The following MTPN variants were observed in gnomAD, a reference collection of about 807,000 sequenced individuals.
MTPN encodes the protein granule cell differentiation protein.
MTPN carries 2 observed loss-of-function variants against 13.5 expected under a neutral mutation model. The observed-to-expected ratio is 0.15, with a 90% confidence interval of 0.06 to 0.47. The LOEUF (loss-of-function observed/expected upper bound fraction) is 0.47. Among genes scored for constraint, MTPN ranks in the 20% least tolerant of loss-of-function variants. The probability of loss-of-function intolerance (pLI) is 0.97; values close to 1 mark genes in which losing one functional copy is unlikely to be tolerated. For synonymous variants in MTPN, 46 were observed against 51.7 expected (o/e 0.89, Z 0.48); for missense variants, 79 against 137.9 (o/e 0.57, Z 2.14).
intron 1 of MTPN, among the ~76,000 whole-genome samples, chr7:135,955,795 A>T (rs1221846390): frequency 4.6e-5 from 7 of 151,962 alleles, no homozygotes; most frequent in Non-Finnish European, 2.9e-5. Flanking sequence ...ATAATTTACC[A>T]TTTTAACACA....
rs1274340246 is a variant in MTPN at position 135,976,970 on chromosome 7, C to T, written c.72+59G>A. ...CCGCAGTCCAGCTCCCATCAGCTTC[C>T]TCAGCCTCATCTCCAGCCCACCTCC... On this transcript the variant is annotated intron_variant, in intron 1 of 3. Transcript: ENST00000393085. 3 of 1,398,406 alleles carry T rather than the reference C, an allele frequency of 2.1e-6. No individual in the cohort carries two copies. In the Admixed American group the frequency reaches 5.1e-5, roughly 24 times the overall value. 86.6% of individuals were successfully genotyped at this position (1,398,406 alleles called of 1,614,324 possible).
At chr7:135,957,172 A>G (rs566166415) in intron 1 of MTPN, among the ~76,000 whole-genome samples, 31 of 152,346 alleles carry the variant, frequency 2.0e-4, no homozygotes, top group Admixed American at 1.3e-3. Flanking sequence ...CATATATGTA[A>G]TCTAAATAAC....
Position 135,927,314 on chromosome 7 carries a change from T to C in MTPN, c.*2612A>G. 1 of 1,550,804 alleles carries C rather than the reference T, an allele frequency of 6.4e-7. No homozygotes were observed. Among genetic ancestry groups the C allele is most frequent in the Non-Finnish European group, 8.7e-7 (1 of 1,146,666 alleles). ...ATGCGTAGAAGAACTACTTGGGATA[T>C]TCAAGTGCTGTATTTGAACGATAAG... On this transcript the variant is annotated 3_prime_UTR_variant, in exon 4 of 4. Coordinates refer to ENST00000393085, the MANE Select transcript of MTPN (RefSeq NM_145808.4).
intron 1 of MTPN, among the ~76,000 whole-genome samples, chr7:135,967,961 A>G (rs1029503864): frequency 1.3e-5 from 2 of 151,886 alleles, no homozygotes; most frequent in African/African-American, 2.4e-5. Flanking sequence ...ACTACCTACA[A>G]TTTTTTTGTG....
rs1329007661 is a variant in MTPN, at chr7:135,929,744, G to A, written c.*182C>T. On this transcript the variant is annotated 3_prime_UTR_variant, in exon 4 of 4. Transcript: ENST00000393085. ...TAAAAGCCTGATCATGGTTCCTTTT[G>A]CCCCTCCTCCAAAACAATTTTTTTT... The A allele has an allele frequency of 3.3e-6, 2 of 611,606 alleles. No individual in the cohort carries two copies. The highest frequency in any genetic ancestry group is 5.9e-6 in the Non-Finnish European group (2 of 336,684). The allele number at this position is 611,606 out of a possible 1,614,324, so 37.9% of individuals were successfully genotyped here.
chr7:135,948,236 T>C (rs556348526), intron 3 of MTPN, among the ~76,000 whole-genome samples: 1 of 152,162 alleles, frequency 6.6e-6, no homozygotes, highest in Non-Finnish European at 1.5e-5. Flanking sequence ...AGGGTATCCA[T>C]TAAAGAAGCT....
At chr7:135,973,633 C>G (rs1799729315) in intron 1 of MTPN, among the ~76,000 whole-genome samples, 1 of 152,056 alleles carries the variant, frequency 6.6e-6, no homozygotes, top group African/African-American at 2.4e-5. Context: ...AAGAAACATC[C>G]AGATCAAAAA....
At chr7:135,945,854 A>G (rs1799280862) in intron 3 of MTPN, among the ~76,000 whole-genome samples, 1 of 152,204 alleles carries the variant, frequency 6.6e-6, no homozygotes, top group Non-Finnish European at 1.5e-5. Context: ...GCATCTCCAT[A>G]AGCACACTGT....
At chr7:135,969,889 T>C (rs1799665889) in intron 1 of MTPN, among the ~76,000 whole-genome samples, 1 of 152,166 alleles carries the variant, frequency 6.6e-6, no homozygotes, top group Non-Finnish European at 1.5e-5. Context: ...TAAACAATCA[T>C]TTTTCACCTA....
rs986709080 is a variant in MTPN, at chr7:135,928,028, G to A, written c.*1898C>T. 5.0e-5 allele frequency: 13 copies of A among 257,890 alleles called. No homozygotes were observed. The highest frequency in any genetic ancestry group is 1.1e-4 in the Non-Finnish European group (13 of 123,136). The allele number at this position is 257,890 out of a possible 1,614,324, so 16.0% of individuals were successfully genotyped here. On this transcript the variant is annotated 3_prime_UTR_variant, in exon 4 of 4. Transcript: ENST00000393085. ...GTATCAAAACACCCTGTTGCACTACGTTGATAGTTATAGACTGATAGAGTG... is the reference window on the plus strand; with the variant it reads ...GTATCAAAACACCCTGTTGCACTACATTGATAGTTATAGACTGATAGAGTG...
chr7:135,941,717 AAT>A (rs1242758100), intron 3 of MTPN, among the ~76,000 whole-genome samples: 3 of 152,138 alleles, frequency 2.0e-5, no homozygotes, highest in Admixed American at 6.5e-5. Context: ...CCCTAGTAAA[AAT>A]ATGATTTTAA....
chr7:135,932,098 T>C (rs1799031256), intron 3 of MTPN: 1 of 152,212 alleles, frequency 6.6e-6, no homozygotes, highest in Non-Finnish European at 1.5e-5. Flanking sequence ...ACTGTATTTC[T>C]GTTCCCCTTA....
chr7:135,933,984 T>C (rs994285091), intron 3 of MTPN, among the ~76,000 whole-genome samples: 3 of 152,158 alleles, frequency 2.0e-5, no homozygotes, highest in African/African-American at 4.8e-5. Context: ...TGAGAAGATA[T>C]GACTGCTTCC....
chr7:135,947,623 C>T (rs1256769260), intron 3 of MTPN, among the ~76,000 whole-genome samples: 1 of 151,862 alleles, frequency 6.6e-6, no homozygotes, highest in East Asian at 1.9e-4. Context: ...GTACATGTTC[C>T]ATTTCTCATT....
intron 1 of MTPN, among the ~76,000 whole-genome samples, chr7:135,954,230 A>G (rs1409633348): frequency 6.6e-6 from 1 of 152,226 alleles, no homozygotes; most frequent in Non-Finnish European, 1.5e-5. Context: ...AATGAAGGCT[A>G]TTATATTTAA....
chr7:135,950,660 G>C lies in MTPN; in HGVS notation c.209C>G (p.Thr70Ser). 6.2e-7 allele frequency: 1 copy of C among 1,611,682 alleles called. No individual in the cohort carries two copies. Among genetic ancestry groups the C allele is most frequent in the South Asian group, 1.1e-5 (1 of 90,784 alleles). The change falls in exon 3 of 4, where the codon ACT becomes AGT. Residue 70 changes from threonine (T) to serine (S), a missense_variant. Thr to Ser is a moderately conservative substitution (Grantham distance 58, BLOSUM62 1). Transcript: ENST00000393085. ...DINAPDKHHITPLLSAVYEGH... is the reference protein window; with the variant it reads ...DINAPDKHHISPLLSAVYEGH... ...CTCATAGACAGCAGACAGAAGAGGA[G>C]TAATATGATGTTTATCTGGAGCCTA...
chr7:135,962,945 T>C lies in MTPN; in HGVS notation c.73-11315A>G, dbSNP rs542454414. Among the ~76,000 whole-genome samples the C allele has an allele frequency of 2.0e-5, 3 of 152,164 alleles. No individual in the cohort carries two copies. The South Asian group carries it at 6.2e-4, about 32-fold the overall frequency. ...GATCTGTAAGATATGTACGCATTGC[T>C]GCCACTGAGTTCCAAGGTATAGGTA... On this transcript the variant is annotated intron_variant, in intron 1 of 3. Coordinates refer to ENST00000393085, the MANE Select transcript of MTPN (RefSeq NM_145808.4).
intron 3 of MTPN, among the ~76,000 whole-genome samples, chr7:135,948,417 A>G (rs1021955984): frequency 1.8e-4 from 28 of 152,200 alleles, no homozygotes; most frequent in Non-Finnish European, 2.2e-4. Flanking sequence ...TGGCTAAAAA[A>G]AGTCAAGGTT....
intron 2 of MTPN, among the ~76,000 whole-genome samples, 159 bp from the exon 3 acceptor site, chr7:135,950,841 C>A (rs188893932): frequency 4.6e-5 from 7 of 152,214 alleles, no homozygotes; most frequent in African/African-American, 1.7e-4. Context: ...CTTAAAGCTA[C>A]CAGAGACCCA....
Sources: allele counts gnomAD v4.1 joint callset (sites outside exome capture counted in the v4.1 genomes callset), GRCh38; gene constraint gnomAD v4.1.1; transcripts MANE v1.5; gene names NCBI Gene and HGNC (gene_info 2026-07-23, HGNC 2026-07-21).